The following CCDC187 variants were observed in gnomAD, a reference collection of about 807,000 sequenced individuals.
CCDC187 encodes coiled-coil domain containing 187.
Under a neutral mutation model 38.0 loss-of-function variants are expected in CCDC187, and 32 were observed. The ratio of observed to expected loss-of-function variants is 0.84; its 90% CI spans 0.64 to 1.13. CCDC187 has a LOEUF of 1.13. Ranked by LOEUF, CCDC187 falls within the 50% of genes most tolerant of loss-of-function variation. The probability of loss-of-function intolerance (pLI) is 0.00; values close to 1 mark genes in which losing one functional copy is unlikely to be tolerated. For synonymous variants in CCDC187, 333 were observed against 347.9 expected (o/e 0.96, Z 0.48); for missense variants, 707 against 786.8 (o/e 0.90, Z 1.21).
chr9:136,298,385 C>T (rs1831587386), intron 3 of CCDC187, among the ~76,000 whole-genome samples: 1 of 152,060 alleles, frequency 6.6e-6, no homozygotes, highest in South Asian at 2.1e-4. Context: ...ATGGAGAGCC[C>T]GAGGGGGCGG....
At position 136,290,109 on chromosome 9, in the gene CCDC187, G is replaced by A. The variant is rs891886907; in HGVS notation, c.2128-56C>T. The A allele has an allele frequency of 9.3e-5, 37 of 398,528 alleles. No individual in the cohort carries two copies. In the East Asian group the frequency reaches 1.2e-3, roughly 13 times the overall value. 24.7% of individuals were successfully genotyped at this position (398,528 alleles called of 1,614,324 possible). On this transcript the variant is annotated intron_variant, in intron 6 of 25. Transcript: ENST00000638797. ...CCCGCTCGGGAAGACCACACGCCCC[G>A]TTCTCTCAGCCTCAGAGCTAGGCCT...
intron 9 of CCDC187, 137 bp from the exon 10 acceptor site, chr9:136,281,800 T>C: frequency 2.5e-6 from 1 of 396,968 alleles, no homozygotes; most frequent in Non-Finnish European, 4.4e-6. Context: ...CCCCCAACAG[T>C]GTGCCCAGGG....
At chr9:136,289,111 G>A (rs1473515983) in intron 7 of CCDC187, among the ~76,000 whole-genome samples, 1 of 152,360 alleles carries the variant, frequency 6.6e-6, no homozygotes, top group South Asian at 2.1e-4. Flanking sequence ...GACTCAAGCT[G>A]CAACATGAAT....
rs782012684 is a variant in CCDC187, at chr9:136,254,374, G to A, written c.5454C>T (p.Ser1818=). The change falls in exon 26 of 26, where the codon AGC becomes AGT. Residue 1818 remains serine (S), a synonymous_variant. Coordinates refer to ENST00000638797, the MANE Select transcript of CCDC187 (RefSeq NM_001378188.1). ...SGEGREASGT[S]ESLKGGVRSG... ...TTCTGACACCCCCTTTCAGGCTCTC[G>A]CTGGTCCCAGAAGCTTCCCGCCCCT... The A allele has an allele frequency of 6.1e-6, 6 of 984,682 alleles. No individual in the cohort carries two copies. The highest frequency in any genetic ancestry group is 7.2e-6 in the Non-Finnish European group (6 of 829,592). The allele number at this position is 984,682 out of a possible 1,614,324, so 61.0% of individuals were successfully genotyped here. A position where few individuals can be genotyped will look rare whatever the true frequency, so the allele number is the denominator to read the frequency against.
Position 136,254,806 on chromosome 9 carries a change from C to CT in CCDC187, c.5021_5022insA (p.Glu1676GlyfsTer14). The CT allele has an allele frequency of 2.0e-6, 2 of 985,506 alleles. No homozygotes were observed. Among genetic ancestry groups the CT allele is most frequent in the Non-Finnish European group, 2.4e-6 (2 of 829,980 alleles). The allele number at this position is 985,506 out of a possible 1,614,324, so 61.0% of individuals were successfully genotyped here. On this transcript the variant is annotated frameshift_variant, in exon 26 of 26. Coordinates refer to ENST00000638797, the MANE Select transcript of CCDC187 (RefSeq NM_001378188.1). LOFTEE classifies it low-confidence loss of function (END_TRUNC). ...AGGACAAAGGCAGGCCAGCTTCCCC[C>CT]GAGGAGTGTCGGGCAGAGAGCTCTC...
chr9:136,273,454 T>G (rs1284702621), intron 14 of CCDC187, among the ~76,000 whole-genome samples: 1 of 152,032 alleles, frequency 6.6e-6, no homozygotes, highest in Non-Finnish European at 1.5e-5. Context: ...GAGGGGTGAG[T>G]TCATCAAGAG....
At position 136,291,086 on chromosome 9, in the gene CCDC187, T is replaced by A. The variant is rs1052078128; in HGVS notation, c.1527A>T (p.Arg509Ser). 74 of 398,370 alleles carry A rather than the reference T, an allele frequency of 1.9e-4. 1 individual carries two copies. Among genetic ancestry groups the A allele is most frequent in the Admixed American group, 1.5e-3 (33 of 22,722 alleles). 24.7% of individuals were successfully genotyped at this position (398,370 alleles called of 1,614,324 possible). A position where few individuals can be genotyped will look rare whatever the true frequency, so the allele number is the denominator to read the frequency against. The change falls in exon 6 of 26, where the codon AGA (arginine) becomes AGT (serine). Residue 509 changes from arginine to serine, a missense_variant. Physicochemically the swap from Arg to Ser is moderately radical, Grantham distance 110. Coordinates refer to ENST00000638797, the MANE Select transcript of CCDC187 (RefSeq NM_001378188.1). ...CSPQRAWGAQ[R>S]QGPSSQRPGS... is the part of the protein sequence containing the mutation. ...CAGGCCTCTGGGAGGAGGGGCCCTG[T>A]CTTTGGGCCCCCCAGGCCCTCTGCG...
At chr9:136,306,520 C>T (rs1036760661), upstream of CCDC187, among the ~76,000 whole-genome samples, 3 of 152,146 alleles carry the variant, frequency 2.0e-5, no homozygotes, top group African/African-American at 4.8e-5. Context: ...CACCACGCGC[C>T]GTGGCAAATG....
In CCDC187 at chr9:136,254,404, G is replaced by A. The variant is rs576566554; in HGVS notation, c.5424C>T (p.Ser1808=). 1.4e-4 allele frequency: 138 copies of A among 983,924 alleles called. No homozygotes were observed. The African/African-American group carries it at 1.9e-3, about 14-fold the overall frequency. The allele number at this position is 983,924 out of a possible 1,614,324, so 60.9% of individuals were successfully genotyped here. The change falls in exon 26 of 26, where the codon TCC becomes TCT. Residue 1808 remains serine, a synonymous_variant. Transcript: ENST00000638797. ...TCCCAGAAGCTTCCCGCCCCTCCCC[G>A]GACCGTGGGGAGGGAGGAGCCACCT... is the stretch of plus-strand genomic sequence containing the variant. The part of the protein sequence containing the change: ...EPQVAPPSPR[S]GEGREASGTS...
At chr9:136,259,651 G>A (rs985607451) in intron 20 of CCDC187, among the ~76,000 whole-genome samples, 6 of 152,198 alleles carry the variant, frequency 3.9e-5, no homozygotes, top group Non-Finnish European at 7.4e-5. Context: ...CCGAGGGTCT[G>A]CTCAGCCCCA....
chr9:136,293,356 CACAT>C (rs1353940351), intron 4 of CCDC187, among the ~76,000 whole-genome samples: 1 of 143,492 alleles, frequency 7.0e-6, no homozygotes, highest in Admixed American at 6.9e-5. Flanking sequence ...CATGCTCACA[CACAT>C]TCACATGCTC....
chr9:136,257,474 C>T lies in CCDC187; in HGVS notation c.4367-633G>A, dbSNP rs1209642076. ...AGAGCTTGTTCTTCCCCCTCGGTGC[C>T]GTCCGACAGACACTGGTGTGAGGCA... On this transcript the variant is annotated intron_variant, in intron 22 of 25. Transcript: ENST00000638797. This position sits in a 1 kb window ranked among gnomAD's most constrained non-coding sequence, Gnocchi z 4.5. Among the ~76,000 whole-genome samples the T allele has an allele frequency of 2.0e-5, 3 of 152,134 alleles. No homozygotes were observed. The highest frequency in any genetic ancestry group is 2.9e-5 in the Non-Finnish European group (2 of 68,038).
intron 4 of CCDC187, chr9:136,296,239 G>A (rs1831532200): frequency 6.6e-6 from 1 of 152,304 alleles, no homozygotes; most frequent in Non-Finnish European, 1.5e-5. Flanking sequence ...CATTACAGGA[G>A]TGGCCAGCGA....
intron 18 of CCDC187, among the ~76,000 whole-genome samples, chr9:136,262,885 G>T (rs1271445214): frequency 6.6e-6 from 1 of 152,056 alleles, no homozygotes; most frequent in African/African-American, 2.4e-5. Context: ...CTTGCCTGGG[G>T]ACAGTCCCCC....
intron 4 of CCDC187, among the ~76,000 whole-genome samples, chr9:136,293,770 T>C (rs1831445950): frequency 6.6e-6 from 1 of 151,734 alleles, no homozygotes; most frequent in Non-Finnish European, 1.5e-5. Flanking sequence ...ACTGACATGC[T>C]CACACACGGT....
chr9:136,251,158 C>T lies in CCDC187; in HGVS notation c.*2436G>A, dbSNP rs118148088. The T allele has an allele frequency of 7.4e-5, 29 of 393,654 alleles. No individual in the cohort carries two copies. In the East Asian group the frequency reaches 1.3e-3, roughly 17 times the overall value. The allele number at this position is 393,654 out of a possible 1,614,324, so 24.4% of individuals were successfully genotyped here. Reference sequence around the variant, plus strand: ...GACACAGATGTCCCTAAGGCCAACACGCTGCTCATCAACTCCGCATTCAAG... The same window carrying T: ...GACACAGATGTCCCTAAGGCCAACATGCTGCTCATCAACTCCGCATTCAAG... On this transcript the variant is annotated 3_prime_UTR_variant, in exon 26 of 26. Coordinates refer to ENST00000638797, the MANE Select transcript of CCDC187 (RefSeq NM_001378188.1).
chr9:136,296,869 C>T (rs1310876876), intron 4 of CCDC187, among the ~76,000 whole-genome samples: 8 of 152,306 alleles, frequency 5.3e-5, no homozygotes, highest in African/African-American at 1.7e-4. Flanking sequence ...GGGAAACACG[C>T]ATGAAATTAA....
chr9:136,260,143 C>T lies in CCDC187; in HGVS notation c.4186G>A (p.Glu1396Lys). The T allele has an allele frequency of 1.0e-6, 1 of 985,494 alleles. No homozygotes were observed. Among genetic ancestry groups the T allele is most frequent in the African/African-American group, 1.7e-5 (1 of 57,344 alleles). 61.0% of individuals were successfully genotyped at this position (985,494 alleles called of 1,614,324 possible). Residue 1396 changes from glutamate (E) to lysine (K), a missense_variant, in exon 20 of 26, where the codon GAG becomes AAG. By Grantham distance (56) the Glu-to-Lys change is moderately conservative. Coordinates refer to ENST00000638797, the MANE Select transcript of CCDC187 (RefSeq NM_001378188.1). ...DTHDPQGPLVESGSHVSQEPG... is the reference protein window; with the variant it reads ...DTHDPQGPLVKSGSHVSQEPG... ...CCTTGACTGACATGGCTGCCACTCT[C>T]CACCAGCGGGCCCTGGGGGTCGTGT...
chr9:136,286,844 G>A (rs1051875048), intron 7 of CCDC187, 149 bp from the exon 8 acceptor site: 8 of 396,972 alleles, frequency 2.0e-5, no homozygotes, highest in Middle Eastern at 6.2e-4. Context: ...AGCGGTGACG[G>A]TATCCACACA....
Sources: allele counts gnomAD v4.1 joint callset (sites outside exome capture counted in the v4.1 genomes callset), GRCh38; gene constraint gnomAD v4.1.1; non-coding constraint Gnocchi (gnomAD v3.1); transcripts MANE v1.5; gene names NCBI Gene and HGNC (gene_info 2026-07-23, HGNC 2026-07-21).